PBX1: variants seen among roughly 807,000 people sequenced by gnomAD.
PBX1 encodes the protein PBX homeobox 1, also known as pre-B-cell leukemia transcription factor 1.
Under a neutral mutation model 53.4 loss-of-function variants are expected in PBX1, and 6 were observed. The observed-to-expected ratio is 0.11, with a 90% CI of 0.06 to 0.22. PBX1 has a LOEUF of 0.22. PBX1 is among the 10% of genes least tolerant of loss of function. PBX1 has a pLI of 1.00. For missense variants in PBX1, 251 were observed against 551.4 expected (o/e 0.46, Z 5.46); for synonymous variants, 204 against 212.3 (o/e 0.96, Z 0.34).
chr1:164,620,148 T>A (rs1001512199), intron 2 of PBX1, among the ~76,000 whole-genome samples: 1 of 152,172 alleles, frequency 6.6e-6, no homozygotes, highest in Admixed American at 6.5e-5. Flanking sequence ...GAGCCATGAT[T>A]GGACCTGGCA....
chr1:164,833,202 AC>A (rs1289011084), intron 8 of PBX1, among the ~76,000 whole-genome samples: 5 of 151,886 alleles, frequency 3.3e-5, no homozygotes, highest in Non-Finnish European at 5.9e-5. Context: ...CGCTAAAAAA[AC>A]AAAAACAAAA....
intron 2 of PBX1, among the ~76,000 whole-genome samples, chr1:164,649,553 C>T (rs2101918285): frequency 6.6e-6 from 1 of 152,222 alleles, no homozygotes; most frequent in East Asian, 1.9e-4. Context: ...GTTAGTTGTT[C>T]CTATGTGTGG....
At chr1:164,876,487 G>T (rs1218988452) in intron 2 of PBX1, among the ~76,000 whole-genome samples, 2 of 151,734 alleles carry the variant, frequency 1.3e-5, no homozygotes, top group African/African-American at 4.8e-5. Flanking sequence ...GGAGACTTAG[G>T]TGAGTGCGCA....
intron 2 of PBX1, among the ~76,000 whole-genome samples, chr1:164,621,791 A>G (rs551401415): frequency 1.3e-5 from 2 of 152,304 alleles, no homozygotes; most frequent in Non-Finnish European, 2.9e-5. Flanking sequence ...AAGTGCACAG[A>G]GGATGATTCC....
At chr1:164,720,999 A>C (rs905522669) in intron 2 of PBX1, among the ~76,000 whole-genome samples, 1 of 152,296 alleles carries the variant, frequency 6.6e-6, no homozygotes, top group South Asian at 2.1e-4. Context: ...TCTCTTCAGA[A>C]GCATGTCAGG....
intron 2 of PBX1, chr1:164,769,427 C>A (rs188680411): frequency 7.9e-5 from 12 of 152,246 alleles, no homozygotes; most frequent in Admixed American, 7.2e-4. Flanking sequence ...GGGGAAAGCA[C>A]CTTGCCCCTA....
At chr1:164,855,259 A>G (rs999159744), downstream of PBX1, among the ~76,000 whole-genome samples, 1 of 152,090 alleles carries the variant, frequency 6.6e-6, no homozygotes, top group Non-Finnish European at 1.5e-5. Flanking sequence ...TCTCTTTTAA[A>G]TTAAAATTCA....
chr1:164,683,828 T>G (rs1431324297), intron 2 of PBX1: 1 of 152,118 alleles, frequency 6.6e-6, no homozygotes, highest in African/African-American at 2.4e-5. Flanking sequence ...TTGTTTTGTT[T>G]TGTTTTTGAG....
rs371768861 is a variant in PBX1 at position 164,588,473 on chromosome 1, C to CTTTTT, written c.265+25185_265+25189dup. Reference sequence around the variant, plus strand: ...AAAGAGAAATACACTCCGGACTAAGCTTTTTTTTTTTTTTTTTTTTTTTTT... The same window carrying CTTTTT: ...AAAGAGAAATACACTCCGGACTAAGCTTTTTTTTTTTTTTTTTTTTTTTTTTTTTT... On this transcript the variant is annotated intron_variant, in intron 2 of 8. Coordinates refer to ENST00000420696, the MANE Select transcript of PBX1 (RefSeq NM_002585.4). Among the ~76,000 whole-genome samples, 16 of 73,084 alleles carry CTTTTT rather than the reference C, an allele frequency of 2.2e-4. 2 individuals are homozygous for CTTTTT. Among genetic ancestry groups the CTTTTT allele is most frequent in the Non-Finnish European group, 3.2e-4 (11 of 34,746 alleles). 47.9% of individuals were successfully genotyped at this position (73,084 alleles called of 152,430 possible). A position where few individuals can be genotyped will look rare whatever the true frequency, so the allele number is the denominator to read the frequency against.
At chr1:164,691,272 C>G (rs1045810669) in intron 2 of PBX1, among the ~76,000 whole-genome samples, 2 of 151,988 alleles carry the variant, frequency 1.3e-5, no homozygotes, top group African/African-American at 4.8e-5. Flanking sequence ...CCTTGGCCTC[C>G]CAAAGTGCTG....
At chr1:164,873,776 T>G (rs1672435883) in intron 2 of PBX1, among the ~76,000 whole-genome samples, 1 of 152,220 alleles carries the variant, frequency 6.6e-6, no homozygotes, top group Non-Finnish European at 1.5e-5. Flanking sequence ...TTGAACACAT[T>G]TTAAAATTCT....
At chr1:164,826,293 A>G (rs539516708) in intron 8 of PBX1, among the ~76,000 whole-genome samples, 27 of 96,272 alleles carry the variant, frequency 2.8e-4, no homozygotes, top group Admixed American at 2.4e-3. Flanking sequence ...CTTGAAACCC[A>G]AATGGGAAGG....
intron 2 of PBX1, among the ~76,000 whole-genome samples, chr1:164,869,210 T>A (rs1465977807): frequency 6.6e-6 from 1 of 152,168 alleles, no homozygotes; most frequent in African/African-American, 2.4e-5. Context: ...GTCAGAACAC[T>A]GTGCAACAGT....
intron 2 of PBX1, among the ~76,000 whole-genome samples, chr1:164,880,048 C>T (rs1672609469): frequency 6.6e-6 from 1 of 152,134 alleles, no homozygotes; most frequent in Non-Finnish European, 1.5e-5. Flanking sequence ...GCAGTTTTCC[C>T]TTCTGTCAAG....
At chr1:164,758,304 T>C (rs568535930) in intron 2 of PBX1, among the ~76,000 whole-genome samples, 1 of 152,328 alleles carries the variant, frequency 6.6e-6, no homozygotes, top group East Asian at 1.9e-4. Context: ...ATTGCTTAAA[T>C]ATATCAGTGC....
intron 2 of PBX1, among the ~76,000 whole-genome samples, chr1:164,757,841 C>T (rs576538331): frequency 5.9e-5 from 9 of 152,218 alleles, no homozygotes; most frequent in African/African-American, 2.2e-4. Flanking sequence ...CAGACTGCAG[C>T]CAAAGCTATG....
At chr1:164,695,847 C>A (rs1440738265) in intron 2 of PBX1, among the ~76,000 whole-genome samples, 1 of 152,210 alleles carries the variant, frequency 6.6e-6, no homozygotes, top group Non-Finnish European at 1.5e-5. Flanking sequence ...CCTAGCTCGT[C>A]TATAATGATT....
rs139182380 is a variant in PBX1, at chr1:164,779,796, G to A, written c.266-12698G>A. Among the ~76,000 whole-genome samples, 571 of 152,264 alleles carry A rather than the reference G, an allele frequency of 3.8e-3. 3 individuals are homozygous for A. Among genetic ancestry groups the A allele is most frequent in the African/African-American group, 0.013 (547 of 41,534 alleles). ...GAAGTGCCATCAACAAGGTGCCTAC[G>A]AAGGGCCATGCTAATGTCTGGCCAG... On this transcript the variant is annotated intron_variant, in intron 2 of 8. Coordinates refer to ENST00000420696, the MANE Select transcript of PBX1 (RefSeq NM_002585.4).
chr1:164,670,938 G>A (rs1451187793), intron 2 of PBX1, among the ~76,000 whole-genome samples: 1 of 152,132 alleles, frequency 6.6e-6, no homozygotes, highest in Non-Finnish European at 1.5e-5. Context: ...GCAGTTTCTG[G>A]TAAGTGTTCC....
Sources: allele counts gnomAD v4.1 joint callset (sites outside exome capture counted in the v4.1 genomes callset), GRCh38; gene constraint gnomAD v4.1.1; transcripts MANE v1.5; gene names NCBI Gene and HGNC (gene_info 2026-07-23, HGNC 2026-07-21).